The following SLC26A5 variants were observed in gnomAD, a reference collection of about 807,000 sequenced individuals.
The protein encoded by SLC26A5 is solute carrier family 26 member 5.
A neutral mutation model predicts 81.0 loss-of-function variants in SLC26A5; 51 were observed. The observed-to-expected ratio is 0.63, with a 90% confidence interval of 0.50 to 0.80. The LOEUF is 0.80. SLC26A5 is among the 30% of genes least tolerant of loss of function. SLC26A5 has a pLI of 0.00. For missense variants in SLC26A5, 771 were observed against 905.8 expected, an observed-to-expected ratio of 0.85 and a Z score of 1.91; for synonymous variants, 325 against 332.8, an observed-to-expected ratio of 0.98 and a Z score of 0.25.
rs1406030728 is a variant in SLC26A5 at position 103,367,638 on chromosome 7, G to A, written c.2041+9170C>T. 6.2e-7 allele frequency: 1 copy of A among 1,609,818 alleles called. No homozygotes were observed. Among genetic ancestry groups the A allele is most frequent in the Admixed American group, 1.7e-5 (1 of 59,182 alleles). On this transcript the variant is annotated intron_variant, in intron 19 of 19. Coordinates refer to the SLC26A5 transcript ENST00000339444. This position sits in a 1 kb window ranked among gnomAD's most constrained non-coding sequence, Gnocchi z 6.1. Reference sequence around the variant, plus strand: ...GAGGTAAGAAAACCATTTCATTTTAGGAAAGGGATTTTTGAAGTTTTTTCT... The same window carrying A: ...GAGGTAAGAAAACCATTTCATTTTAAGAAAGGGATTTTTGAAGTTTTTTCT...
intron 1 of SLC26A5, among the ~76,000 whole-genome samples, chr7:103,444,579 C>T (rs886547534): frequency 1.3e-5 from 2 of 152,190 alleles, no homozygotes; most frequent in African/African-American, 4.8e-5. Context: ...CGCCTCTATG[C>T]GAAAAGCACT....
intron 1 of SLC26A5, chr7:103,445,101 A>G (rs1357763403): frequency 6.6e-6 from 1 of 152,196 alleles, no homozygotes. Context: ...CAAAAAGTTG[A>G]TATTTTTTGT....
chr7:103,424,166 C>A (rs1825555411), intron 2 of SLC26A5, among the ~76,000 whole-genome samples: 1 of 152,166 alleles, frequency 6.6e-6, no homozygotes, highest in Admixed American at 6.5e-5. Flanking sequence ...TGTTGCTTTC[C>A]CTTCACTCCT....
intron 2 of SLC26A5, among the ~76,000 whole-genome samples, chr7:103,425,310 G>T (rs1167405758): frequency 1.3e-5 from 2 of 152,140 alleles, no homozygotes; most frequent in African/African-American, 2.4e-5. Context: ...GCTAAACCTA[G>T]AACTTCCTTA....
chr7:103,397,859 C>G, intron 9 of SLC26A5, 73 bp downstream of exon 9: 1 of 1,088,320 alleles, frequency 9.2e-7, no homozygotes, highest in Non-Finnish European at 1.4e-6. Flanking sequence ...TGCAAGAGAA[C>G]TAATGTAAGA....
chr7:103,389,662 G>A (rs760895556), intron 12 of SLC26A5, among the ~76,000 whole-genome samples: 7 of 152,134 alleles, frequency 4.6e-5, no homozygotes, highest in East Asian at 1.9e-4. Flanking sequence ...TTGCTCTGTC[G>A]CCCAGGCTGG....
chr7:103,361,364 G>T (rs1042695992), intron 19 of SLC26A5, among the ~76,000 whole-genome samples: 1 of 149,326 alleles, frequency 6.7e-6, no homozygotes, highest in Admixed American at 6.7e-5. Context: ...TACAAAATTA[G>T]CTAGGCATGG....
intron 12 of SLC26A5, among the ~76,000 whole-genome samples, chr7:103,390,225 A>G (rs1822535728): frequency 6.6e-6 from 1 of 152,150 alleles, no homozygotes; most frequent in Non-Finnish European, 1.5e-5. Flanking sequence ...GACTCAGAGG[A>G]GTTAAGATGG....
At chr7:103,401,495 A>C (rs998838146) in intron 8 of SLC26A5, among the ~76,000 whole-genome samples, 1 of 152,202 alleles carries the variant, frequency 6.6e-6, no homozygotes, top group African/African-American at 2.4e-5. Flanking sequence ...ATATAAAATA[A>C]TGTCACCTGC....
At chr7:103,442,091 T>C (rs928470082) in intron 2 of SLC26A5, among the ~76,000 whole-genome samples, 1 of 152,184 alleles carries the variant, frequency 6.6e-6, no homozygotes, top group African/African-American at 2.4e-5. Flanking sequence ...AAAATAAAGA[T>C]GCCTGGGCCT....
intron 4 of SLC26A5, among the ~76,000 whole-genome samples, chr7:103,419,832 C>G (rs1825198401): frequency 6.6e-6 from 1 of 152,078 alleles, no homozygotes; most frequent in African/African-American, 2.4e-5. Flanking sequence ...GCCACCACAG[C>G]CGGCCCTAGA....
At chr7:103,370,730 A>G (rs1203071320), downstream of SLC26A5, among the ~76,000 whole-genome samples, 2 of 152,190 alleles carry the variant, frequency 1.3e-5, no homozygotes, top group African/African-American at 4.8e-5. Context: ...AGTGTCTAAG[A>G]CATAGATTGG....
In SLC26A5 at chr7:103,389,251, A is replaced by C. The variant is rs1822449214; in HGVS notation, c.1407+78T>G. 1.5e-5 allele frequency: 19 copies of C among 1,276,962 alleles called. No individual in the cohort carries two copies. The South Asian group carries it at 2.3e-4, about 15-fold the overall frequency. The allele number at this position is 1,276,962 out of a possible 1,614,324, so 79.1% of individuals were successfully genotyped here. A position where few individuals can be genotyped will look rare whatever the true frequency, so the allele number is the denominator to read the frequency against. On this transcript the variant is annotated intron_variant, in intron 13 of 19. Coordinates refer to ENST00000306312, the MANE Select transcript of SLC26A5 (RefSeq NM_198999.3). ...CTGCACATAACAACTGCATTAATTT[A>C]TCTTTCTCACATTTTTCTTAGCACT...
chr7:103,429,569 C>A (rs957288119), intron 2 of SLC26A5, among the ~76,000 whole-genome samples: 3 of 152,166 alleles, frequency 2.0e-5, no homozygotes, highest in Non-Finnish European at 4.4e-5. Flanking sequence ...ATTTGAAAAG[C>A]TGTTTTCTAT....
chr7:103,431,561 A>T (rs1424810528), intron 2 of SLC26A5, among the ~76,000 whole-genome samples: 1 of 152,184 alleles, frequency 6.6e-6, no homozygotes, highest in Non-Finnish European at 1.5e-5. Flanking sequence ...CATGGGCTCA[A>T]GTGATCCTCC....
At chr7:103,402,469 G>A (rs1823680257) in intron 8 of SLC26A5, among the ~76,000 whole-genome samples, 1 of 141,294 alleles carries the variant, frequency 7.1e-6, no homozygotes, top group African/African-American at 2.6e-5. Flanking sequence ...GTGTGATCTT[G>A]GCTCACTGCA....
Position 103,367,663 on chromosome 7 carries a change from T to C in SLC26A5, c.2041+9145A>G. 6.2e-7 allele frequency: 1 copy of C among 1,609,014 alleles called. No individual in the cohort carries two copies. Among genetic ancestry groups the C allele is most frequent in the Admixed American group, 1.7e-5 (1 of 59,074 alleles). On this transcript the variant is annotated intron_variant, in intron 19 of 19. Transcript: ENST00000339444. The surrounding 1 kb of genome is among the most constrained non-coding windows in gnomAD (Gnocchi z 6.1). ...GGAAAGGGATTTTTGAAGTTTTTTCTTCCTGTGATTTTTTTCCATTTTAAT... is the reference window on the plus strand; with the variant it reads ...GGAAAGGGATTTTTGAAGTTTTTTCCTCCTGTGATTTTTTTCCATTTTAAT...
intron 19 of SLC26A5, among the ~76,000 whole-genome samples, chr7:103,376,414 A>T (rs186013479): frequency 3.3e-5 from 5 of 152,352 alleles, no homozygotes; most frequent in Non-Finnish European, 7.3e-5. Context: ...ATAAAACAAA[A>T]ATAGCAGGCA....
intron 19 of SLC26A5, chr7:103,354,021 A>T (rs1224762127): frequency 7.9e-7 from 1 of 1,266,566 alleles, no homozygotes; most frequent in Middle Eastern, 2.7e-4. Flanking sequence ...CTGTTTTGGT[A>T]TTGTCCTTCC....
Sources: gnomAD v4.1 joint callset for allele counts (sites outside exome capture counted in the v4.1 genomes callset) on GRCh38, gnomAD v4.1.1 for gene constraint, Gnocchi (gnomAD v3.1) non-coding constraint, MANE v1.5 for transcripts, NCBI Gene and HGNC (gene_info 2026-07-23, HGNC 2026-07-21) for gene names.